The following KRIT1 variants were observed in gnomAD, a reference collection of about 807,000 sequenced individuals.
KRIT1 encodes krev interaction trapped protein 1.
KRIT1 carries 45 observed loss-of-function variants against 95.8 expected under a neutral mutation model. That is an observed-to-expected ratio of 0.47 (90% CI 0.37 to 0.60). The LOEUF is 0.60. Among genes scored for constraint, KRIT1 ranks in the 20% least tolerant of loss-of-function variants. The probability of loss-of-function intolerance (pLI) is 0.00; values close to 1 mark genes in which losing one functional copy is unlikely to be tolerated. For missense variants in KRIT1, 788 were observed against 877.5 expected (o/e 0.90, Z 1.29); for synonymous variants, 282 against 278.8 (o/e 1.01, Z -0.11).
intron 14 of KRIT1, among the ~76,000 whole-genome samples, chr7:92,216,153 C>T (rs974291183): frequency 1.3e-4 from 20 of 149,120 alleles, no homozygotes; most frequent in Non-Finnish European, 2.7e-4. Flanking sequence ...GGTGTGAACC[C>T]GGGAGGCGGA....
At position 92,218,893 on chromosome 7, in the gene KRIT1, T is replaced by C. The variant is rs538643035; in HGVS notation, c.1563+3009A>G. On this transcript the variant is annotated intron_variant, in intron 14 of 18. Coordinates refer to ENST00000394505, the MANE Select transcript of KRIT1 (RefSeq NM_194454.3). ...TTTGTTGTTCATGCTTTTGTTGTCA[T>C]ATCTGACTCCACTGCCTAATCCAAG... is the stretch of plus-strand genomic sequence containing the variant. Among the ~76,000 whole-genome samples, 3 of 152,358 alleles carry C rather than the reference T, an allele frequency of 2.0e-5. No individual in the cohort carries two copies. The East Asian group carries it at 5.8e-4, about 29-fold the overall frequency.
chr7:92,233,408 A>AC (rs1797746425), intron 10 of KRIT1, among the ~76,000 whole-genome samples: 1 of 136,324 alleles, frequency 7.3e-6, no homozygotes, highest in Non-Finnish European at 1.6e-5. Flanking sequence ...ATAATGTGGT[A>AC]CTTTTTTTTT....
chr7:92,226,552 G>A lies in KRIT1; in HGVS notation c.1120C>T (p.Leu374Phe), dbSNP rs1476124035. 6.2e-7 allele frequency: 1 copy of A among 1,612,848 alleles called. No individual in the cohort carries two copies. The highest frequency in any genetic ancestry group is 2.2e-5 in the East Asian group (1 of 44,782). ...CTATCCGTTTCTGGGTGGTTTAGGA[G>A]AATCTGTACTATTTCAGCATGTCCT... ...GGGHAEIVQI[L>F]LNHPETDRHI... The change falls in exon 11 of 19, where the codon CTC (leucine) becomes TTC (phenylalanine). Residue 374 changes from leucine (L) to phenylalanine (F), a missense_variant. Leu to Phe is a conservative substitution (Grantham distance 22, BLOSUM62 0). Transcript: ENST00000394505.
chr7:92,238,568 A>G (rs1210983165), intron 5 of KRIT1, among the ~76,000 whole-genome samples: 1 of 152,248 alleles, frequency 6.6e-6, no homozygotes, highest in Admixed American at 6.5e-5. Flanking sequence ...TGTACAAAAT[A>G]TAAGTGCTAG....
rs1320240027 is a variant in KRIT1 at position 92,222,955 on chromosome 7, T to C, written c.1278A>G (p.Arg426=). ...CAACAGAACGATATGACCCATCCAT[T>C]CTGTATATTCGAACTTTTTCATACT... ...NKPYEKVRIY[R]MDGSYRSVEL... is the part of the protein sequence containing the mutation. The change falls in exon 13 of 19, where the codon AGA becomes AGG. Residue 426 remains arginine, a synonymous_variant. Transcript: ENST00000394505. 2.5e-6 allele frequency: 4 copies of C among 1,610,584 alleles called. No homozygotes were observed. The South Asian group carries it at 4.4e-5, about 18-fold the overall frequency.
intron 5 of KRIT1, among the ~76,000 whole-genome samples, chr7:92,239,839 T>G (rs1271947729): frequency 6.6e-6 from 1 of 151,706 alleles, no homozygotes; most frequent in African/African-American, 2.4e-5. Context: ...GCCTCCTGAG[T>G]AGCTGGGACT....
intron 17 of KRIT1, 101 bp from the exon 18 acceptor site, chr7:92,201,524 G>A (rs1790140238): frequency 1.3e-6 from 1 of 743,682 alleles, no homozygotes; most frequent in East Asian, 2.5e-5. Flanking sequence ...AAATATAATA[G>A]TTCAGAATGC....
intron 14 of KRIT1, 149 bp downstream of exon 14, chr7:92,221,753 A>T (rs541576945): frequency 1.5e-6 from 1 of 674,616 alleles, no homozygotes; most frequent in African/African-American, 1.8e-5. Flanking sequence ...AGGGCTTTGT[A>T]AGTAGATCAA....
intron 4 of KRIT1, among the ~76,000 whole-genome samples, 182 bp from the exon 5 acceptor site, chr7:92,241,334 A>G (rs1799590658): frequency 6.6e-6 from 1 of 152,230 alleles, no homozygotes; most frequent in Non-Finnish European, 1.5e-5. Flanking sequence ...CCTGGTTCTT[A>G]CAGTTTTAAG....
chr7:92,224,493 T>A (rs577781466), intron 12 of KRIT1, among the ~76,000 whole-genome samples: 2 of 152,080 alleles, frequency 1.3e-5, no homozygotes, highest in Admixed American at 1.3e-4. Flanking sequence ...ATAATTAAAT[T>A]AATAATTTTT....
intron 15 of KRIT1, 57 bp from the exon 16 acceptor site, chr7:92,214,036 A>G: frequency 9.7e-7 from 1 of 1,035,596 alleles, no homozygotes; most frequent in South Asian, 1.3e-5. Context: ...GCTAAAGTAT[A>G]GTAATCATTC....
rs540218552 is a variant in KRIT1, at chr7:92,240,842, G to A, written c.262+151C>T. On this transcript the variant is annotated intron_variant, in intron 5 of 18. Coordinates refer to ENST00000394505, the MANE Select transcript of KRIT1 (RefSeq NM_194454.3). Reference sequence around the variant, plus strand: ...CAAGTTACATCTTGAAGGGGCTTGGGTGTACCTTAAAAAACACTTGAGTTT... The same window carrying A: ...CAAGTTACATCTTGAAGGGGCTTGGATGTACCTTAAAAAACACTTGAGTTT... 3 of 671,688 alleles carry A rather than the reference G, an allele frequency of 4.5e-6. No individual in the cohort carries two copies. The Admixed American group carries it at 7.5e-5, about 17-fold the overall frequency. The allele number at this position is 671,688 out of a possible 1,614,324, so 41.6% of individuals were successfully genotyped here.
At chr7:92,205,504 C>T (rs759454207) in intron 17 of KRIT1, among the ~76,000 whole-genome samples, 8 of 152,238 alleles carry the variant, frequency 5.3e-5, no homozygotes, top group Non-Finnish European at 1.0e-4. Flanking sequence ...TAACAAATTA[C>T]GAGGCAGGTG....
At chr7:92,241,735 G>A (rs545694809) in intron 4 of KRIT1, among the ~76,000 whole-genome samples, 1 of 152,258 alleles carries the variant, frequency 6.6e-6, no homozygotes, top group South Asian at 2.1e-4. Flanking sequence ...TTTTAAGTGA[G>A]CTGACTTTTG....
chr7:92,226,773 G>T, intron 10 of KRIT1, 91 bp from the exon 11 acceptor site: 1 of 1,129,436 alleles, frequency 8.9e-7, no homozygotes, highest in Non-Finnish European at 1.3e-6. Flanking sequence ...CCAAATTTTA[G>T]ATGATATCTC....
intron 12 of KRIT1, among the ~76,000 whole-genome samples, chr7:92,224,324 A>G (rs1795767841): frequency 6.6e-6 from 1 of 152,106 alleles, no homozygotes; most frequent in Admixed American, 6.5e-5. Flanking sequence ...GACAGCCAGG[A>G]GCGGTGGCAC....
chr7:92,204,476 T>A (rs1004348651), intron 17 of KRIT1, among the ~76,000 whole-genome samples: 2 of 151,822 alleles, frequency 1.3e-5, no homozygotes, highest in Admixed American at 6.6e-5. Flanking sequence ...TATATTGTAA[T>A]ATGTAACGAA....
chr7:92,232,611 T>C (rs1797538878), intron 10 of KRIT1, among the ~76,000 whole-genome samples: 2 of 152,130 alleles, frequency 1.3e-5, no homozygotes, highest in Admixed American at 1.3e-4. Flanking sequence ...CTTTGCCTTT[T>C]CCAAATCTAT....
At chr7:92,231,551 T>A (rs1346070871) in intron 10 of KRIT1, among the ~76,000 whole-genome samples, 1 of 152,154 alleles carries the variant, frequency 6.6e-6, no homozygotes, top group East Asian at 1.9e-4. Context: ...GTAAAATATC[T>A]TGTCTTACAA....
Sources: gnomAD v4.1 joint callset for allele counts (sites outside exome capture counted in the v4.1 genomes callset) on GRCh38, gnomAD v4.1.1 for gene constraint, MANE v1.5 for transcripts, NCBI Gene and HGNC (gene_info 2026-07-23, HGNC 2026-07-21) for gene names.